The following ATP8B4 variants were observed in gnomAD, a reference collection of about 807,000 sequenced individuals.
ATP8B4 encodes ATPase phospholipid transporting 8B4 (putative).
In ATP8B4, 133 loss-of-function variants were observed where a neutral mutation model predicts 145.6. That is an observed-to-expected ratio of 0.91 (90% CI 0.79 to 1.05). The LOEUF (loss-of-function observed/expected upper bound fraction) is 1.05. ATP8B4 is among the 50% of genes least tolerant of loss of function. The pLI is 0.00. For synonymous variants in ATP8B4, 507 were observed against 492.9 expected, an observed-to-expected ratio of 1.03 and a Z score of -0.38; for missense variants, 1,458 against 1,425.2, an observed-to-expected ratio of 1.02 and a Z score of -0.37.
chr15:50,074,509 A>T (rs562530448), intron 2 of ATP8B4, among the ~76,000 whole-genome samples: 1 of 152,316 alleles, frequency 6.6e-6, no homozygotes, highest in African/African-American at 2.4e-5. Context: ...GGAGCTGACA[A>T]AGTCAAATGC....
At chr15:50,103,567 A>C (rs1314449652) in intron 2 of ATP8B4, among the ~76,000 whole-genome samples, 3 of 152,134 alleles carry the variant, frequency 2.0e-5, no homozygotes, top group African/African-American at 7.2e-5. Context: ...ACTATAAAAC[A>C]CTGCTGAAAG....
intron 1 of ATP8B4, among the ~76,000 whole-genome samples, chr15:50,156,638 G>A (rs1040860160): frequency 2.0e-5 from 3 of 152,164 alleles, no homozygotes; most frequent in African/African-American, 7.2e-5. Context: ...GTTAACTACA[G>A]TTGTAGATTT....
intron 6 of ATP8B4, among the ~76,000 whole-genome samples, chr15:50,029,190 G>T (rs1312751971): frequency 7.6e-6 from 1 of 130,980 alleles, no homozygotes; most frequent in Non-Finnish European, 1.5e-5. Flanking sequence ...CTGAGATCAC[G>T]CCACACGCCA....
intron 3 of ATP8B4, among the ~76,000 whole-genome samples, chr15:50,064,898 A>G (rs1287676604): frequency 6.6e-6 from 1 of 152,134 alleles, no homozygotes; most frequent in East Asian, 1.9e-4. Flanking sequence ...ACCAGATCTC[A>G]GGATAACTCA....
intron 1 of ATP8B4, among the ~76,000 whole-genome samples, chr15:50,170,119 G>A (rs1396646030): frequency 6.6e-6 from 1 of 152,130 alleles, no homozygotes; most frequent in Non-Finnish European, 1.5e-5. Context: ...GGGAATAATT[G>A]AGGAAAACTT....
At chr15:49,935,368 C>A (rs1244953041) in intron 14 of ATP8B4, among the ~76,000 whole-genome samples, 1 of 152,024 alleles carries the variant, frequency 6.6e-6, no homozygotes, top group Non-Finnish European at 1.5e-5. Flanking sequence ...CATCCATCAG[C>A]CAGGACTCAA....
At chr15:49,875,280 A>G (rs2034238861) in intron 25 of ATP8B4, among the ~76,000 whole-genome samples, 1 of 152,132 alleles carries the variant, frequency 6.6e-6, no homozygotes, top group Non-Finnish European at 1.5e-5. Flanking sequence ...TTCAGTTACT[A>G]CCTTTCAAAT....
chr15:50,038,908 G>C (rs1487283483), intron 5 of ATP8B4, 79 bp from the exon 6 acceptor site: 19 of 1,252,382 alleles, frequency 1.5e-5, no homozygotes, highest in Middle Eastern at 1.9e-4. Flanking sequence ...GCAATACTTT[G>C]AGTTCATCCA....
At chr15:49,964,903 CA>C (rs1463125892) in intron 13 of ATP8B4, among the ~76,000 whole-genome samples, 2 of 152,016 alleles carry the variant, frequency 1.3e-5, no homozygotes, top group South Asian at 2.1e-4. Context: ...AAAAAAAATC[CA>C]AAAGGTCCCC....
chr15:50,099,073 C>T (rs1394832724), intron 2 of ATP8B4, among the ~76,000 whole-genome samples: 1 of 152,146 alleles, frequency 6.6e-6, no homozygotes, highest in African/African-American at 2.4e-5. Context: ...CCCTACACCC[C>T]ATAAACATAC....
chr15:49,878,324 A>G (rs1162165894), intron 24 of ATP8B4, among the ~76,000 whole-genome samples: 2 of 152,166 alleles, frequency 1.3e-5, no homozygotes, highest in Admixed American at 6.5e-5. Context: ...TCCAGAAAAT[A>G]TGCCTTTCGC....
intron 1 of ATP8B4, among the ~76,000 whole-genome samples, chr15:50,115,971 T>A (rs2057149240): frequency 6.6e-6 from 1 of 152,166 alleles, no homozygotes; most frequent in Non-Finnish European, 1.5e-5. Context: ...CTTGTTCCCT[T>A]TTGTCTCTCT....
At chr15:50,162,592 C>T (rs1311451296) in intron 1 of ATP8B4, among the ~76,000 whole-genome samples, 14 of 152,006 alleles carry the variant, frequency 9.2e-5, no homozygotes, top group Non-Finnish European at 1.9e-4. Flanking sequence ...CTGCAAGCTC[C>T]GCCTCCCAGG....
In ATP8B4 at chr15:49,860,357, C is replaced by T. The variant is rs1461394557; in HGVS notation, c.3416G>A (p.Gly1139Glu). 6.2e-7 allele frequency: 1 copy of T among 1,614,162 alleles called. No individual in the cohort carries two copies. The highest frequency in any genetic ancestry group is 1.1e-5 in the South Asian group (1 of 91,082). ...ATTTTTTCCAGATGTGATAAGCTCTCCATAGCCTTCTTGGTGAGCAAAAGC... is the reference window on the plus strand; with the variant it reads ...ATTTTTTCCAGATGTGATAAGCTCTTCATAGCCTTCTTGGTGAGCAAAAGC... ...GYAFAHQEGYGELITSGKNMR... is the reference protein window; with the variant it reads ...GYAFAHQEGYEELITSGKNMR... The change falls in exon 28 of 28, where the codon GGA (glycine) becomes GAA (glutamate). Residue 1139 changes from glycine (G) to glutamate (E), a missense_variant. By Grantham distance (98) the Gly-to-Glu change is moderately conservative. Transcript: ENST00000284509.
rs1330397202 is a variant in ATP8B4 at position 50,000,474 on chromosome 15, T to C, written c.506+1679A>G. Among the ~76,000 whole-genome samples, 3 of 152,312 alleles carry C rather than the reference T, an allele frequency of 2.0e-5. No individual in the cohort carries two copies. The East Asian group carries it at 5.8e-4, about 29-fold the overall frequency. ...GATGTTGAGCATCTTTTCATGTGCTTATTTGCCATTTGTACGTCCTCTTTG... is the reference window on the plus strand; with the variant it reads ...GATGTTGAGCATCTTTTCATGTGCTCATTTGCCATTTGTACGTCCTCTTTG... On this transcript the variant is annotated intron_variant, in intron 8 of 27. Coordinates refer to ENST00000284509, the MANE Select transcript of ATP8B4 (RefSeq NM_024837.4).
intron 2 of ATP8B4, among the ~76,000 whole-genome samples, chr15:50,086,923 AAAAT>A (rs1391286074): frequency 1.0e-5 from 1 of 98,790 alleles, no homozygotes; most frequent in African/African-American, 4.4e-5. Flanking sequence ...TATATATAAT[AAAAT>A]AATATAGAGA....
At chr15:50,152,048 G>A (rs902801275) in intron 1 of ATP8B4, among the ~76,000 whole-genome samples, 7 of 151,876 alleles carry the variant, frequency 4.6e-5, no homozygotes, top group African/African-American at 9.6e-5. Context: ...ATTAATTTTC[G>A]TTTTGCCTTA....
At chr15:50,011,726 C>T (rs754850993) in intron 6 of ATP8B4, among the ~76,000 whole-genome samples, 1 of 152,142 alleles carries the variant, frequency 6.6e-6, no homozygotes, top group Non-Finnish European at 1.5e-5. Context: ...TACCATGATG[C>T]TAATCATTCC....
chr15:50,138,605 C>T (rs1048236142), intron 1 of ATP8B4, among the ~76,000 whole-genome samples: 2 of 152,166 alleles, frequency 1.3e-5, no homozygotes, highest in African/African-American at 4.8e-5. Context: ...GTGGCAGATA[C>T]TGGAATTATA....
Sources: allele counts gnomAD v4.1 joint callset (sites outside exome capture counted in the v4.1 genomes callset), GRCh38; gene constraint gnomAD v4.1.1; transcripts MANE v1.5; gene names NCBI Gene and HGNC (gene_info 2026-07-23, HGNC 2026-07-21).